The following CTNNA3 variants were observed in gnomAD, a reference collection of about 807,000 sequenced individuals.
The protein encoded by CTNNA3 is catenin alpha 3.
In CTNNA3, 76 loss-of-function variants were observed where a neutral mutation model predicts 95.7. That is an observed-to-expected ratio of 0.79 (90% CI 0.66 to 0.96). CTNNA3 has a LOEUF of 0.96. Ranked by LOEUF, CTNNA3 falls within the 40% of genes least tolerant of loss-of-function variation. The pLI is 0.00. For missense variants in CTNNA3, 1,191 were observed against 1,089.8 expected, an observed-to-expected ratio of 1.09 and a Z score of -1.31; for synonymous variants, 431 against 374.4, an observed-to-expected ratio of 1.15 and a Z score of -1.74.
chr10:67,002,003 C>A (rs562642541), intron 7 of CTNNA3, among the ~76,000 whole-genome samples: 1 of 152,064 alleles, frequency 6.6e-6, no homozygotes, highest in Non-Finnish European at 1.5e-5. Flanking sequence ...TCTTAGAGTC[C>A]GAAGACCTAG....
intron 12 of CTNNA3, among the ~76,000 whole-genome samples, chr10:66,284,736 C>A (rs945830116): frequency 6.6e-6 from 1 of 151,738 alleles, no homozygotes; most frequent in Non-Finnish European, 1.5e-5. Flanking sequence ...TAATAAAGCC[C>A]AGATTAAAAT....
chr10:66,884,763 G>T (rs894080491), intron 7 of CTNNA3, among the ~76,000 whole-genome samples: 1 of 152,096 alleles, frequency 6.6e-6, no homozygotes, highest in Non-Finnish European at 1.5e-5. Flanking sequence ...ATACAGAGGG[G>T]CAAGAAACAG....
intron 7 of CTNNA3, among the ~76,000 whole-genome samples, chr10:67,168,628 A>G (rs1861884104): frequency 2.6e-5 from 4 of 152,234 alleles, no homozygotes; most frequent in Admixed American, 2.6e-4. Flanking sequence ...GAAGGAACAT[A>G]CATCAAAATA....
chr10:66,250,797 G>T (rs952700852), intron 13 of CTNNA3, among the ~76,000 whole-genome samples: 3 of 152,060 alleles, frequency 2.0e-5, no homozygotes, highest in African/African-American at 7.2e-5. Flanking sequence ...AGCTTTTTCT[G>T]TCTAATAATG....
chr10:66,222,560 GAGAA>G (rs2088992602), intron 13 of CTNNA3, among the ~76,000 whole-genome samples: 1 of 139,492 alleles, frequency 7.2e-6, no homozygotes, highest in South Asian at 2.2e-4. Flanking sequence ...TAAAGAAAGA[GAGAA>G]AGAAGGAAAG....
chr10:67,278,202 G>A (rs1839261526), intron 5 of CTNNA3, among the ~76,000 whole-genome samples: 2 of 152,146 alleles, frequency 1.3e-5, no homozygotes, highest in South Asian at 4.1e-4. Flanking sequence ...AATGTGCAAG[G>A]TAAAAGCTTT....
At chr10:67,152,414 A>G (rs1280950962) in intron 7 of CTNNA3, among the ~76,000 whole-genome samples, 1 of 152,260 alleles carries the variant, frequency 6.6e-6, no homozygotes, top group Non-Finnish European at 1.5e-5. Context: ...CACCATTGAT[A>G]GAAATCAATA....
chr10:66,427,940 T>G (rs975882668), intron 11 of CTNNA3, among the ~76,000 whole-genome samples: 2 of 152,078 alleles, frequency 1.3e-5, no homozygotes, highest in African/African-American at 4.8e-5. Flanking sequence ...ATGCTCCAAT[T>G]AAAAGACACA....
Position 67,367,379 on chromosome 10 carries a change from A to G in CTNNA3, c.580-147509T>C, listed in dbSNP as rs560803938. ...AAACTATGAGATCCCATCTTACACAAGTCAGAATGTCTATTAATAAAAAGT... is the reference window on the plus strand; with the variant it reads ...AAACTATGAGATCCCATCTTACACAGGTCAGAATGTCTATTAATAAAAAGT... On this transcript the variant is annotated intron_variant, in intron 5 of 17. Transcript: ENST00000433211. Among the ~76,000 whole-genome samples the G allele has an allele frequency of 5.3e-5, 8 of 152,210 alleles. No individual in the cohort carries two copies. In the South Asian group the frequency reaches 1.7e-3, roughly 32 times the overall value.
intron 10 of CTNNA3, among the ~76,000 whole-genome samples, chr10:66,595,568 C>A (rs571713337): frequency 6.6e-6 from 1 of 152,044 alleles, no homozygotes; most frequent in African/African-American, 2.4e-5. Context: ...AACTCCTGAC[C>A]TCAGGTGATC....
chr10:67,628,789 C>CT (rs1200679908), intron 2 of CTNNA3, among the ~76,000 whole-genome samples: 1 of 151,616 alleles, frequency 6.6e-6, no homozygotes, highest in Non-Finnish European at 1.5e-5. Context: ...GACCAAATAT[C>CT]TTTGTCAATT....
At chr10:66,045,284 G>T (rs2079805364) in intron 15 of CTNNA3, among the ~76,000 whole-genome samples, 1 of 152,134 alleles carries the variant, frequency 6.6e-6, no homozygotes, top group East Asian at 1.9e-4. Flanking sequence ...AATGACATTT[G>T]CTTCCAATAG....
At chr10:67,257,630 T>C (rs1049737956) in intron 5 of CTNNA3, among the ~76,000 whole-genome samples, 1 of 152,190 alleles carries the variant, frequency 6.6e-6, no homozygotes, top group Non-Finnish European at 1.5e-5. Context: ...AAGTACAAAG[T>C]TCTCTTAAAC....
chr10:66,786,197 C>G (rs1840733420), intron 7 of CTNNA3, among the ~76,000 whole-genome samples: 1 of 152,080 alleles, frequency 6.6e-6, no homozygotes, highest in Admixed American at 6.6e-5. Flanking sequence ...GTCCCTCAAG[C>G]CTTGTTCATA....
At chr10:67,128,977 A>G (rs1456482946) in intron 7 of CTNNA3, among the ~76,000 whole-genome samples, 1 of 152,186 alleles carries the variant, frequency 6.6e-6, no homozygotes, top group African/African-American at 2.4e-5. Context: ...AAAAATGTAC[A>G]TTAATTTAAA....
chr10:67,490,169 CTT>C (rs1288613791), intron 5 of CTNNA3, among the ~76,000 whole-genome samples: 3 of 152,088 alleles, frequency 2.0e-5, no homozygotes, highest in Non-Finnish European at 4.4e-5. Flanking sequence ...ATGTTAAGCA[CTT>C]TGTTTCTTAA....
chr10:67,225,626 A>T (rs538073097), intron 5 of CTNNA3, among the ~76,000 whole-genome samples: 13 of 152,168 alleles, frequency 8.5e-5, no homozygotes, highest in Non-Finnish European at 1.6e-4. Context: ...GAGAGACAAC[A>T]GTCATTGCAG....
At chr10:67,241,032 T>C (rs1306617661) in intron 5 of CTNNA3, among the ~76,000 whole-genome samples, 1 of 152,244 alleles carries the variant, frequency 6.6e-6, no homozygotes, top group African/African-American at 2.4e-5. Flanking sequence ...AAAAAAGTTA[T>C]GGGCTATTTT....
At chr10:66,950,053 C>G (rs1249769267) in intron 7 of CTNNA3, among the ~76,000 whole-genome samples, 9 of 152,262 alleles carry the variant, frequency 5.9e-5, no homozygotes, top group African/African-American at 2.2e-4. Flanking sequence ...TACCAATATG[C>G]TCCAACAAAA....
Sources: allele counts gnomAD v4.1 joint callset (sites outside exome capture counted in the v4.1 genomes callset), GRCh38; gene constraint gnomAD v4.1.1; transcripts MANE v1.5; gene names NCBI Gene and HGNC (gene_info 2026-07-23, HGNC 2026-07-21).